RALGAPA1: variants seen among roughly 807,000 people sequenced by gnomAD.
RALGAPA1 encodes Ral GTPase activating protein catalytic subunit alpha 1.
In RALGAPA1, 52 loss-of-function variants were observed where a neutral mutation model predicts 269.6. The observed-to-expected ratio is 0.19, with a 90% CI of 0.15 to 0.24. The LOEUF (loss-of-function observed/expected upper bound fraction) is 0.24. RALGAPA1 is among the 10% of genes least tolerant of loss of function. The pLI is 1.00. For synonymous variants in RALGAPA1, 817 were observed against 1,008.3 expected, an observed-to-expected ratio of 0.81 and a Z score of 3.60; for missense variants, 1,917 against 3,013.9, an observed-to-expected ratio of 0.64 and a Z score of 8.52.
intron 36 of RALGAPA1, among the ~76,000 whole-genome samples, chr14:35,600,662 C>A (rs1014560433): frequency 5.3e-5 from 8 of 152,186 alleles, no homozygotes; most frequent in African/African-American, 1.7e-4. Flanking sequence ...TCAGTTATTA[C>A]ATTTTTCACT....
At chr14:35,756,183 A>G (rs1236283881) in intron 7 of RALGAPA1, 1 of 152,252 alleles carries the variant, frequency 6.6e-6, no homozygotes, top group African/African-American at 2.4e-5. Flanking sequence ...TCACATAAGA[A>G]GGTATACGCA....
intron 39 of RALGAPA1, among the ~76,000 whole-genome samples, chr14:35,568,851 T>C (rs1219391880): frequency 6.6e-6 from 1 of 152,216 alleles, no homozygotes; most frequent in East Asian, 1.9e-4. Context: ...GCCATGTCCA[T>C]ACTACTCACT....
At chr14:35,615,469 A>C (rs545901417) in intron 35 of RALGAPA1, among the ~76,000 whole-genome samples, 2 of 152,286 alleles carry the variant, frequency 1.3e-5, no homozygotes, top group South Asian at 4.1e-4. Context: ...GTTTGTTTCC[A>C]GGTTTCCTGG....
At chr14:35,701,664 C>CAG (rs1470504754) in intron 16 of RALGAPA1, among the ~76,000 whole-genome samples, 1 of 151,814 alleles carries the variant, frequency 6.6e-6, no homozygotes, top group Non-Finnish European at 1.5e-5. Flanking sequence ...TTTTTTGAGA[C>CAG]AGGGTCTTAC....
At chr14:35,682,729 G>GT (rs756245747) in intron 21 of RALGAPA1, among the ~76,000 whole-genome samples, 3 of 152,128 alleles carry the variant, frequency 2.0e-5, no homozygotes, top group African/African-American at 4.8e-5. Flanking sequence ...AACAACTAAA[G>GT]TAAGAGGTAT....
At chr14:35,626,996 T>A in intron 34 of RALGAPA1, 94 bp downstream of exon 34, 1 of 1,260,988 alleles carries the variant, frequency 7.9e-7, no homozygotes. Context: ...AGATAAAATT[T>A]AGTGAGGAAA....
chr14:35,784,534 C>T (rs550171358), intron 1 of RALGAPA1, among the ~76,000 whole-genome samples: 3 of 152,180 alleles, frequency 2.0e-5, no homozygotes, highest in Admixed American at 6.5e-5. Context: ...TGATCTATTC[C>T]TTTTAGCTCA....
chr14:35,802,235 G>C (rs1041959588), intron 1 of RALGAPA1, among the ~76,000 whole-genome samples: 9 of 152,176 alleles, frequency 5.9e-5, no homozygotes, highest in Non-Finnish European at 1.0e-4. Flanking sequence ...TTGAACCTGG[G>C]AGGCGGAGGT....
intron 15 of RALGAPA1, 80 bp downstream of exon 15, chr14:35,722,947 A>AC: frequency 2.9e-6 from 2 of 700,590 alleles, no homozygotes; most frequent in South Asian, 4.6e-5. Flanking sequence ...TTTCACCCTC[A>AC]CCCCTCTCCC....
rs575332556 is a variant in RALGAPA1 at position 35,749,791 on chromosome 14, C to T, written c.1011+691G>A. Reference sequence around the variant, plus strand: ...TCTGAATTCTGATGAACTAAACACACGTTATACCTTTATCCTACTTATAAA... The same window carrying T: ...TCTGAATTCTGATGAACTAAACACATGTTATACCTTTATCCTACTTATAAA... On this transcript the variant is annotated intron_variant, in intron 9 of 41. Transcript: ENST00000680220. Among the ~76,000 whole-genome samples the T allele has an allele frequency of 5.9e-5, 9 of 152,084 alleles. No homozygotes were observed. The East Asian group carries it at 1.3e-3, about 23-fold the overall frequency.
intron 35 of RALGAPA1, among the ~76,000 whole-genome samples, chr14:35,621,626 C>G (rs2060635282): frequency 6.6e-6 from 1 of 152,028 alleles, no homozygotes; most frequent in Non-Finnish European, 1.5e-5. Context: ...TGACAAAGGG[C>G]TAATACCCAG....
chr14:35,576,280 G>A (rs1282413229), intron 37 of RALGAPA1, among the ~76,000 whole-genome samples: 3 of 152,190 alleles, frequency 2.0e-5, no homozygotes, highest in African/African-American at 7.2e-5. Flanking sequence ...TTTTAAAAAT[G>A]ATGGCTCAAA....
chr14:35,696,274 T>C (rs893403584), intron 17 of RALGAPA1, among the ~76,000 whole-genome samples: 1 of 152,004 alleles, frequency 6.6e-6, no homozygotes, highest in Non-Finnish European at 1.5e-5. Context: ...ATTAGCCGGA[T>C]GTGGTGGCAC....
chr14:35,633,968 T>G (rs1484697415), intron 33 of RALGAPA1, among the ~76,000 whole-genome samples: 1 of 152,142 alleles, frequency 6.6e-6, no homozygotes, highest in East Asian at 1.9e-4. Context: ...ATTATCTTAC[T>G]TAGTACTTAA....
intron 37 of RALGAPA1, among the ~76,000 whole-genome samples, chr14:35,584,888 TAAAC>T (rs930992325): frequency 2.0e-5 from 3 of 152,086 alleles, no homozygotes; most frequent in Non-Finnish European, 4.4e-5. Context: ...ATGTTATAAA[TAAAC>T]CAATTAAAAG....
At chr14:35,563,806 T>C (rs2056478862) in intron 39 of RALGAPA1, among the ~76,000 whole-genome samples, 1 of 152,174 alleles carries the variant, frequency 6.6e-6, no homozygotes, top group Non-Finnish European at 1.5e-5. Context: ...TAAAATCATC[T>C]AATGCAAAGC....
chr14:35,633,831 T>G (rs963118921), intron 33 of RALGAPA1, among the ~76,000 whole-genome samples: 3 of 152,154 alleles, frequency 2.0e-5, no homozygotes, highest in African/African-American at 7.2e-5. Flanking sequence ...CATTATAAGG[T>G]TATTTGCTTC....
At chr14:35,738,398 G>A (rs1225817821) in intron 12 of RALGAPA1, 115 bp downstream of exon 12, 1 of 607,530 alleles carries the variant, frequency 1.6e-6, no homozygotes, top group Non-Finnish European at 2.5e-6. Context: ...ATGGCATAAT[G>A]ATAAATATAG....
intron 22 of RALGAPA1, among the ~76,000 whole-genome samples, chr14:35,675,406 G>C (rs1395102481): frequency 1.3e-5 from 2 of 152,178 alleles, no homozygotes; most frequent in African/African-American, 4.8e-5. Context: ...TCAAACTCCT[G>C]ACCTCATGAT....
Sources: allele counts gnomAD v4.1 joint callset (sites outside exome capture counted in the v4.1 genomes callset), GRCh38; gene constraint gnomAD v4.1.1; transcripts MANE v1.5; gene names NCBI Gene and HGNC (gene_info 2026-07-23, HGNC 2026-07-21).